NR1I2: variants seen among roughly 807,000 people sequenced by gnomAD.
The protein encoded by NR1I2 is nuclear receptor subfamily 1 group I member 2.
In NR1I2, 42 loss-of-function variants were observed where a neutral mutation model predicts 43.3. The ratio of observed to expected loss-of-function variants is 0.97; its 90% CI spans 0.76 to 1.26. The LOEUF is 1.26. Among genes scored for constraint, NR1I2 ranks in the 50% most tolerant of loss-of-function variants. NR1I2 has a pLI of 0.00. For synonymous variants in NR1I2, 229 were observed against 215.0 expected, an observed-to-expected ratio of 1.06 and a Z score of -0.57; for missense variants, 559 against 566.7, an observed-to-expected ratio of 0.99 and a Z score of 0.14.
intron 1 of NR1I2, among the ~76,000 whole-genome samples, chr3:119,785,448 G>T (rs2054831506): frequency 6.6e-6 from 1 of 152,218 alleles, no homozygotes; most frequent in Non-Finnish European, 1.5e-5. Flanking sequence ...CAGGCCTGTT[G>T]TTAAGAATTT....
At chr3:119,803,647 T>C (rs1473466156) in intron 1 of NR1I2, among the ~76,000 whole-genome samples, 1 of 152,242 alleles carries the variant, frequency 6.6e-6, no homozygotes, top group African/African-American at 2.4e-5. Context: ...ATCATTATTT[T>C]CCATTTTGGT....
intron 3 of NR1I2, chr3:119,810,620 A>C: frequency 5.1e-6 from 1 of 196,810 alleles, no homozygotes; most frequent in Non-Finnish European, 1.0e-5. Context: ...CAGCTGCCCC[A>C]GACCTGGATC....
chr3:119,785,263 G>T (rs1313118962), intron 1 of NR1I2, among the ~76,000 whole-genome samples: 3 of 152,152 alleles, frequency 2.0e-5, no homozygotes, highest in Non-Finnish European at 4.4e-5. Flanking sequence ...TTTGTACTAT[G>T]AACTCATTTG....
intron 2 of NR1I2, among the ~76,000 whole-genome samples, chr3:119,808,287 C>T (rs553340386): frequency 3.9e-5 from 6 of 152,356 alleles, no homozygotes; most frequent in South Asian, 2.1e-4. Context: ...TCTGGCTCCC[C>T]TTGTGGGGGC....
At chr3:119,803,018 T>C (rs1421731573) in intron 1 of NR1I2, 2 of 452,996 alleles carry the variant, frequency 4.4e-6, no homozygotes, top group Non-Finnish European at 8.9e-6. Context: ...ACCCTCATGA[T>C]TGAGTTAGTG....
intron 1 of NR1I2, among the ~76,000 whole-genome samples, chr3:119,783,623 G>T (rs1171419483): frequency 6.6e-6 from 1 of 152,106 alleles, no homozygotes; most frequent in African/African-American, 2.4e-5. Context: ...GGTTTTTTAG[G>T]TAATAACTTT....
At chr3:119,801,621 T>C (rs1440486873) in intron 1 of NR1I2, among the ~76,000 whole-genome samples, 1 of 152,234 alleles carries the variant, frequency 6.6e-6, no homozygotes, top group Non-Finnish European at 1.5e-5. Context: ...GGGGTTCCAC[T>C]TCCATTATTT....
chr3:119,815,223 C>A (rs1228075103), intron 6 of NR1I2, 100 bp from the exon 7 acceptor site: 6 of 1,581,900 alleles, frequency 3.8e-6, no homozygotes, highest in Non-Finnish European at 5.2e-6. Context: ...GATGGCAGGG[C>A]AGGAAGATGG....
chr3:119,802,821 A>G, intron 1 of NR1I2: 1 of 454,450 alleles, frequency 2.2e-6, no homozygotes, highest in Non-Finnish European at 4.4e-6. Flanking sequence ...TCTGGTGTGT[A>G]GTAGATGCTC....
chr3:119,801,818 A>G (rs1165320213), intron 1 of NR1I2, among the ~76,000 whole-genome samples: 1 of 152,126 alleles, frequency 6.6e-6, no homozygotes, highest in Non-Finnish European at 1.5e-5. Flanking sequence ...TCACTCACAC[A>G]TCTGCTGTTT....
chr3:119,792,419 G>T (rs917428175), intron 1 of NR1I2: 2 of 1,212,716 alleles, frequency 1.6e-6, no homozygotes, highest in Admixed American at 3.5e-5. Context: ...GAACTCACTG[G>T]CCACTGCAGG....
intron 3 of NR1I2, 54 bp from the exon 4 acceptor site, chr3:119,811,485 G>T: frequency 6.5e-7 from 1 of 1,539,094 alleles, no homozygotes; most frequent in Non-Finnish European, 8.8e-7. Flanking sequence ...TCTCCAGGGG[G>T]CTGGAGGCTC....
chr3:119,803,597 C>T (rs1351906516), intron 1 of NR1I2, among the ~76,000 whole-genome samples: 1 of 152,150 alleles, frequency 6.6e-6, no homozygotes, highest in Non-Finnish European at 1.5e-5. Flanking sequence ...AACCTGAATG[C>T]ACTAAGACAA....
rs2055264468 is a variant in NR1I2, at chr3:119,812,865, G to A, written c.699G>A (p.Gly233=). 6.2e-7 allele frequency: 1 copy of A among 1,614,088 alleles called. No individual in the cohort carries two copies. Among genetic ancestry groups the A allele is most frequent in the Non-Finnish European group, 8.5e-7 (1 of 1,180,048 alleles). The change falls in exon 5 of 9, where the codon GGG becomes GGA. Residue 233 remains glycine (G), a synonymous_variant. Coordinates refer to ENST00000393716, the MANE Select transcript of NR1I2 (RefSeq NM_003889.4). ...ACAAACCCCCAGCCGACAGTGGCGG[G>A]AAAGAGATCTTCTCCCTGCTGCCCC... is the stretch of plus-strand genomic sequence containing the variant.
intron 1 of NR1I2, among the ~76,000 whole-genome samples, chr3:119,803,448 C>T (rs550538995): frequency 2.0e-5 from 3 of 151,958 alleles, no homozygotes; most frequent in South Asian, 4.2e-4. Context: ...GGAGAAAGTG[C>T]CATAGATGAC....
At chr3:119,812,242 C>T (rs1384457829) in intron 4 of NR1I2, among the ~76,000 whole-genome samples, 1 of 152,094 alleles carries the variant, frequency 6.6e-6, no homozygotes, top group East Asian at 1.9e-4. Context: ...GCCCTCCTTC[C>T]CCTTTGCACT....
At chr3:119,804,748 A>G (rs182642784) in intron 1 of NR1I2, among the ~76,000 whole-genome samples, 2 of 152,068 alleles carry the variant, frequency 1.3e-5, no homozygotes, top group East Asian at 1.9e-4. Flanking sequence ...ACCCAGCCCC[A>G]TATTTGGTAT....
chr3:119,811,427 C>T, intron 3 of NR1I2, 112 bp from the exon 4 acceptor site: 2 of 1,055,362 alleles, frequency 1.9e-6, no homozygotes, highest in Non-Finnish European at 2.7e-6. Flanking sequence ...CCATTACTTT[C>T]TCTTTTGCCT....
At position 119,815,021 on chromosome 3, in the gene NR1I2, C is replaced by A; in HGVS notation, c.837C>A (p.Ala279=). 1 of 1,614,144 alleles carries A rather than the reference C, an allele frequency of 6.2e-7. No individual in the cohort carries two copies. The highest frequency in any genetic ancestry group is 8.5e-7 in the Non-Finnish European group (1 of 1,180,008). ...ACCAGATCTCCCTGCTGAAGGGGGC[C>A]GCTTTCGAGCTGTGTCAACTGAGAT... Residue 279 remains alanine, a synonymous_variant, in exon 6 of 9, where the codon GCC becomes GCA. Coordinates refer to ENST00000393716, the MANE Select transcript of NR1I2 (RefSeq NM_003889.4).
Sources: allele counts gnomAD v4.1 joint callset (sites outside exome capture counted in the v4.1 genomes callset), GRCh38; gene constraint gnomAD v4.1.1; transcripts MANE v1.5; gene names NCBI Gene and HGNC (gene_info 2026-07-23, HGNC 2026-07-21).